CEP70: variants seen among roughly 807,000 people sequenced by gnomAD.
CEP70 encodes the protein centrosomal protein 70.
In CEP70, 70 loss-of-function variants were observed where a neutral mutation model predicts 90.9. The ratio of observed to expected loss-of-function variants is 0.77; its 90% CI spans 0.64 to 0.94. The LOEUF (loss-of-function observed/expected upper bound fraction) is 0.94, where lower values mean the gene tolerates loss of function less well. CEP70 is among the 40% of genes least tolerant of loss of function. CEP70 has a pLI of 0.00. For synonymous variants in CEP70, 220 were observed against 228.3 expected, an observed-to-expected ratio of 0.96 and a Z score of 0.33; for missense variants, 648 against 669.0, an observed-to-expected ratio of 0.97 and a Z score of 0.35.
chr3:138,495,168 C>T, intron 17 of CEP70, 92 bp from the exon 18 acceptor site: 1 of 712,964 alleles, frequency 1.4e-6, no homozygotes, highest in Admixed American at 2.7e-5. Flanking sequence ...AGGCAAACCC[C>T]AAACATAAAG....
intron 6 of CEP70, among the ~76,000 whole-genome samples, chr3:138,560,454 G>A (rs1219728465): frequency 1.3e-5 from 2 of 151,934 alleles, no homozygotes; most frequent in Non-Finnish European, 2.9e-5. Flanking sequence ...CAGATACTGA[G>A]CTAGGTGCAG....
At chr3:138,560,733 C>T (rs1165956000) in intron 6 of CEP70, among the ~76,000 whole-genome samples, 1 of 152,104 alleles carries the variant, frequency 6.6e-6, no homozygotes, top group Non-Finnish European at 1.5e-5. Flanking sequence ...GTTTTACTCA[C>T]AGTATAAACA....
intron 6 of CEP70, among the ~76,000 whole-genome samples, chr3:138,551,253 G>C (rs1297305787): frequency 6.6e-6 from 1 of 152,170 alleles, no homozygotes; most frequent in Non-Finnish European, 1.5e-5. Flanking sequence ...CAAGAATTTT[G>C]TATCCAGAGA....
rs764137265 is a variant in CEP70 at position 138,529,154 on chromosome 3, G to C, written c.869+45C>G. ...GCACTTGGCCTGAGTGACAGAGTGA[G>C]ACCCTGTCTCAGGAAAAAAAAAAAA... is the stretch of plus-strand genomic sequence containing the variant. On this transcript the variant is annotated intron_variant, in intron 10 of 17. Transcript: ENST00000264982. The C allele has an allele frequency of 3.3e-6, 4 of 1,194,894 alleles. No homozygotes were observed. In the South Asian group the frequency reaches 5.4e-5, roughly 16 times the overall value. 74.0% of individuals were successfully genotyped at this position (1,194,894 alleles called of 1,614,324 possible). A position where few individuals can be genotyped will look rare whatever the true frequency, so the allele number is the denominator to read the frequency against.
intron 6 of CEP70, among the ~76,000 whole-genome samples, chr3:138,554,473 T>C (rs2039853892): frequency 6.6e-6 from 1 of 151,972 alleles, no homozygotes; most frequent in Non-Finnish European, 1.5e-5. Flanking sequence ...GTCAGAGCAA[T>C]CAGACAAGAG....
chr3:138,498,050 A>T lies in CEP70; in HGVS notation c.1713T>A (p.Asn571Lys). The change falls in exon 17 of 18, where the codon AAT becomes AAA. Residue 571 changes from asparagine to lysine, a missense_variant. Transcript: ENST00000264982. ...TCTTACCTAAGATTTCAAGTAGATCATTAGTAAATGCCTGAAATGCTGGGA... is the reference window on the plus strand; with the variant it reads ...TCTTACCTAAGATTTCAAGTAGATCTTTAGTAAATGCCTGAAATGCTGGGA... Reference protein sequence around the residue: ...EFFPAFQAFTNDLLEILEIDD... With the variant: ...EFFPAFQAFTKDLLEILEIDD... 2 of 1,613,150 alleles carry T rather than the reference A, an allele frequency of 1.2e-6. No individual in the cohort carries two copies. The highest frequency in any genetic ancestry group is 2.2e-5 in the South Asian group (2 of 90,964).
At chr3:138,505,218 C>A in intron 13 of CEP70, 77 bp downstream of exon 13, 1 of 1,131,542 alleles carries the variant, frequency 8.8e-7, no homozygotes, top group Non-Finnish European at 1.2e-6. Context: ...AATTTTTAGC[C>A]CTGAATTAAG....
chr3:138,521,153 C>T (rs1372080026), intron 11 of CEP70, among the ~76,000 whole-genome samples: 5 of 152,318 alleles, frequency 3.3e-5, no homozygotes, highest in African/African-American at 7.2e-5. Flanking sequence ...GATCTCGGCT[C>T]GCTACAACCT....
At chr3:138,524,930 T>C (rs901214577) in intron 11 of CEP70, among the ~76,000 whole-genome samples, 1 of 152,230 alleles carries the variant, frequency 6.6e-6, no homozygotes, top group Non-Finnish European at 1.5e-5. Context: ...ACCCAAAGGA[T>C]AATAAATCAT....
chr3:138,555,970 A>G (rs913111136), intron 6 of CEP70, among the ~76,000 whole-genome samples: 2 of 152,232 alleles, frequency 1.3e-5, no homozygotes, highest in East Asian at 3.8e-4. Flanking sequence ...TATAATGTAT[A>G]ACATTATACA....
rs2036767808 is a variant in CEP70, at chr3:138,522,490, G to C, written c.944+3000C>G. Among the ~76,000 whole-genome samples the C allele has an allele frequency of 3.3e-5, 5 of 151,822 alleles. No individual in the cohort carries two copies. The South Asian group carries it at 1.0e-3, about 31-fold the overall frequency. On this transcript the variant is annotated intron_variant, in intron 11 of 17. Transcript: ENST00000264982. ...ATAGACCACTAGCAAGACTAATAAA[G>C]AAGAAAAGAGAGAAGAATCAAATAG...
intron 12 of CEP70, among the ~76,000 whole-genome samples, chr3:138,507,286 A>G (rs1324114696): frequency 3.9e-5 from 6 of 152,176 alleles, no homozygotes; most frequent in Admixed American, 3.9e-4. Flanking sequence ...ATAAAAGATG[A>G]CCCTGATGAA....
At position 138,581,239 on chromosome 3, in the gene CEP70, G is replaced by A. The variant is rs187544836; in HGVS notation, c.-5-8307C>T. On this transcript the variant is annotated intron_variant, in intron 2 of 17. Transcript: ENST00000264982. ...GGAGGTTGCAGTGAGCCGAGATCCC[G>A]CCACTGCACTCCAGACTGGGCGACA... is the stretch of plus-strand genomic sequence containing the variant. Among the ~76,000 whole-genome samples, 426 of 145,796 alleles carry A rather than the reference G, an allele frequency of 2.9e-3. 4 individuals carry two copies. Among genetic ancestry groups the A allele is most frequent in the African/African-American group, 0.01 (410 of 39,190 alleles).
At chr3:138,590,543 T>C (rs1184676195) in intron 2 of CEP70, among the ~76,000 whole-genome samples, 4 of 151,932 alleles carry the variant, frequency 2.6e-5, no homozygotes, top group Non-Finnish European at 5.9e-5. Flanking sequence ...GCGATAGGAA[T>C]TGTTCAATAT....
At chr3:138,564,744 T>A (rs888244943) in intron 6 of CEP70, among the ~76,000 whole-genome samples, 14 of 152,166 alleles carry the variant, frequency 9.2e-5, no homozygotes, top group Non-Finnish European at 1.9e-4. Context: ...AATATCATAC[T>A]GAATGGGCAA....
chr3:138,499,827 GT>G (rs969278309), intron 16 of CEP70: 3 of 280,796 alleles, frequency 1.1e-5, no homozygotes, highest in Non-Finnish European at 2.0e-5. Flanking sequence ...GCGTGGTGGC[GT>G]GTGCTTACAG....
chr3:138,580,578 G>C (rs532748694), intron 2 of CEP70, among the ~76,000 whole-genome samples: 2 of 152,184 alleles, frequency 1.3e-5, no homozygotes, highest in South Asian at 4.2e-4. Context: ...AGACTACAAA[G>C]ACTACAATAA....
intron 17 of CEP70, chr3:138,496,201 C>T (rs564248085): frequency 1.5e-4 from 143 of 985,306 alleles, no homozygotes; most frequent in Non-Finnish European, 1.6e-4. Flanking sequence ...TAAACGCGTT[C>T]CCTTACATAA....
chr3:138,496,944 T>C (rs1329682645), intron 17 of CEP70: 23 of 986,462 alleles, frequency 2.3e-5, no homozygotes, highest in African/African-American at 3.5e-5. Context: ...GTGCCAAATA[T>C]TTATGAATGA....
Sources: allele counts gnomAD v4.1 joint callset (sites outside exome capture counted in the v4.1 genomes callset), GRCh38; gene constraint gnomAD v4.1.1; transcripts MANE v1.5; gene names NCBI Gene and HGNC (gene_info 2026-07-23, HGNC 2026-07-21).